The following FAM53A variants were observed in gnomAD, a reference collection of about 807,000 sequenced individuals.
The protein encoded by FAM53A is protein FAM53A.
In FAM53A, 28 loss-of-function variants were observed where a neutral mutation model predicts 26.6. That is an observed-to-expected ratio of 1.05 (90% CI 0.78 to 1.45). The LOEUF (loss-of-function observed/expected upper bound fraction) is 1.45. Ranked by LOEUF, FAM53A falls within the 40% of genes most tolerant of loss-of-function variation. The pLI, the probability that FAM53A is intolerant of heterozygous loss-of-function variation, is 0.00. For synonymous variants in FAM53A, 290 were observed against 253.1 expected (o/e 1.15, Z -1.38); for missense variants, 650 against 575.8 (o/e 1.13, Z -1.32).
chr4:1,613,593 C>T (rs931135121), downstream of FAM53A, among the ~76,000 whole-genome samples: 1 of 152,174 alleles, frequency 6.6e-6, no homozygotes, highest in Non-Finnish European at 1.5e-5. Flanking sequence ...AGATCCACAC[C>T]GACGTGCGTG....
chr4:1,633,187 C>G (rs1715689286), intron 1 of FAM53A, among the ~76,000 whole-genome samples: 1 of 152,210 alleles, frequency 6.6e-6, no homozygotes, highest in Non-Finnish European at 1.5e-5. Flanking sequence ...CTCACACACA[C>G]GAGCGCATAT....
chr4:1,650,240 G>A (rs1277996522), intron 4 of FAM53A, among the ~76,000 whole-genome samples: 28 of 138,488 alleles, frequency 2.0e-4, no homozygotes, highest in African/African-American at 7.8e-4. Flanking sequence ...CACAGGCGTG[G>A]CGTTTGACTG....
the FAM53A span, among the ~76,000 whole-genome samples, chr4:1,584,261 TC>T: frequency 6.6e-6 from 1 of 152,196 alleles, no homozygotes; most frequent in Non-Finnish European, 1.5e-5. Context: ...CTATCCAAGG[TC>T]ACAAAGAAAT....
At position 1,641,600 on chromosome 4, in the gene FAM53A, T is replaced by C. The variant is rs753368903; in HGVS notation, c.890A>G (p.Lys297Arg). The C allele has an allele frequency of 3.7e-6, 6 of 1,614,090 alleles. No homozygotes were observed. The highest frequency in any genetic ancestry group is 3.3e-5 in the South Asian group (3 of 91,078). ...LDFLKMTQTL[K>R]NSKSLCSLNY... ...GAGGGAGCAAAGGCTTTTTGAATTTTTTAAAGTCTGCAATAGAAAAGATAC... is the reference window on the plus strand; with the variant it reads ...GAGGGAGCAAAGGCTTTTTGAATTTCTTAAAGTCTGCAATAGAAAAGATAC... The change falls in exon 5 of 5, where the codon AAA becomes AGA. Residue 297 changes from lysine (K) to arginine (R), a missense_variant. Lys to Arg is a conservative substitution (Grantham distance 26). Coordinates refer to ENST00000308132, the MANE Select transcript of FAM53A (RefSeq NM_001174070.3).
At chr4:1,622,277 GC>G (rs1269969521) in intron 1 of FAM53A, among the ~76,000 whole-genome samples, 1 of 152,220 alleles carries the variant, frequency 6.6e-6, no homozygotes, top group Non-Finnish European at 1.5e-5. Flanking sequence ...TCAGAGTGCA[GC>G]CCCCAGTGTG....
At chr4:1,599,385 G>A in the FAM53A span, among the ~76,000 whole-genome samples, 7 of 152,218 alleles carry the variant, frequency 4.6e-5, no homozygotes, top group Non-Finnish European at 7.3e-5. This position sits in a 1 kb window ranked among gnomAD's most constrained non-coding sequence, Gnocchi z 6.1. Flanking sequence ...CGGGGGCAGG[G>A]CATGGCACCT....
chr4:1,607,741 G>A, the FAM53A span, among the ~76,000 whole-genome samples: 23 of 152,270 alleles, frequency 1.5e-4, no homozygotes, highest in South Asian at 4.2e-3. Flanking sequence ...GGGAGTTGGA[G>A]ACCAGCCTGA....
At chr4:1,622,210 A>G (rs1577081844) in intron 1 of FAM53A, among the ~76,000 whole-genome samples, 1 of 152,158 alleles carries the variant, frequency 6.6e-6, no homozygotes, top group Non-Finnish European at 1.5e-5. Flanking sequence ...GAGAGGCAGG[A>G]CCCGGAGTCA....
downstream of FAM53A, among the ~76,000 whole-genome samples, chr4:1,637,893 T>G (rs1396633299): frequency 6.6e-6 from 1 of 152,000 alleles, no homozygotes; most frequent in African/African-American, 2.4e-5. Context: ...GGGGCTGCAC[T>G]GTGCCTCAGG....
chr4:1,599,155 G>A, the FAM53A span, among the ~76,000 whole-genome samples: 516 of 150,230 alleles, frequency 3.4e-3, 7 homozygotes, highest in African/African-American at 0.012. This position sits in a 1 kb window ranked among gnomAD's most constrained non-coding sequence, Gnocchi z 6.1. Flanking sequence ...CCAGGGTGCT[G>A]GAGCTCAGGG....
chr4:1,627,188 C>T (rs7691668), intron 1 of FAM53A, among the ~76,000 whole-genome samples: 6,626 of 152,248 alleles, frequency 0.044, 202 homozygotes, highest in South Asian at 0.12. Context: ...AGGTCCCCAC[C>T]GGCCCCAGCA....
chr4:1,615,277 C>G (rs980905976), downstream of FAM53A, among the ~76,000 whole-genome samples: 1 of 141,256 alleles, frequency 7.1e-6, no homozygotes, highest in Non-Finnish European at 1.5e-5. Flanking sequence ...GCCCACCCTA[C>G]CTGGGCCCAC....
the FAM53A span, among the ~76,000 whole-genome samples, chr4:1,584,029 G>T: frequency 4.6e-5 from 7 of 152,150 alleles, no homozygotes; most frequent in African/African-American, 1.7e-4. Context: ...TCTTTTGGAG[G>T]CCTTGTCTTC....
At chr4:1,617,046 A>T (rs573067808), downstream of FAM53A, among the ~76,000 whole-genome samples, 3 of 143,996 alleles carry the variant, frequency 2.1e-5, no homozygotes, top group Admixed American at 6.7e-5. Context: ...CTGAGGCAGG[A>T]GAATCACTTG....
the FAM53A span, among the ~76,000 whole-genome samples, chr4:1,593,326 G>A: frequency 6.6e-6 from 1 of 152,100 alleles, no homozygotes; most frequent in Non-Finnish European, 1.5e-5. Context: ...GCCCAGGCCA[G>A]GGGAGGCTGG....
intron 3 of FAM53A, 31 bp from the exon 4 acceptor site, chr4:1,655,754 A>T (rs1004360696): frequency 6.6e-7 from 1 of 1,511,998 alleles, no homozygotes; most frequent in Non-Finnish European, 8.8e-7. Flanking sequence ...AGGCAGGGGA[A>T]GAGACAGGTG....
the FAM53A span, among the ~76,000 whole-genome samples, chr4:1,608,061 G>A: frequency 6.6e-6 from 1 of 152,094 alleles, no homozygotes; most frequent in Non-Finnish European, 1.5e-5. Context: ...GCAGTGAGCC[G>A]AGATTGGGCC....
chr4:1,671,011 A>C (rs866767650), intron 1 of FAM53A, among the ~76,000 whole-genome samples: 26 of 94,800 alleles, frequency 2.7e-4, no homozygotes, highest in Non-Finnish European at 3.1e-4. Flanking sequence ...CGTCAGAGCC[A>C]ACAGCTCACA....
rs534777304 is a variant in FAM53A at position 1,629,283 on chromosome 4, C to T, written c.432-11172G>A. Reference sequence around the variant, plus strand: ...CACAGAGGGAGGCCGAGGCTGTGGCCACCACCTAGAGTCAATCTCTGCTGC... The same window carrying T: ...CACAGAGGGAGGCCGAGGCTGTGGCTACCACCTAGAGTCAATCTCTGCTGC... On this transcript the variant is annotated intron_variant, in intron 1 of 1. Coordinates refer to the FAM53A transcript ENST00000489029. 2.4e-4 allele frequency among the ~76,000 whole-genome samples: 36 copies of T among 152,270 alleles called. 1 individual carries two copies. In the South Asian group the frequency reaches 7.5e-3, roughly 32 times the overall value.
Sources: gnomAD v4.1 joint callset for allele counts (sites outside exome capture counted in the v4.1 genomes callset) on GRCh38, gnomAD v4.1.1 for gene constraint, Gnocchi (gnomAD v3.1) non-coding constraint, MANE v1.5 for transcripts, NCBI Gene and HGNC (gene_info 2026-07-23, HGNC 2026-07-21) for gene names.